Variants in ZNF181 observed in about 807,000 individuals in gnomAD.
The protein encoded by ZNF181 is zinc finger protein 181 (HHZ181).
A neutral mutation model predicts 11.9 loss-of-function variants in ZNF181; 8 were observed. The observed-to-expected ratio is 0.67, with a 90% CI of 0.39 to 1.21. The LOEUF (loss-of-function observed/expected upper bound fraction) is 1.21, where lower values mean the gene tolerates loss of function less well. Among genes scored for constraint, ZNF181 ranks in the 50% most tolerant of loss-of-function variants. The pLI is 0.01. For synonymous variants in ZNF181, 202 were observed against 221.1 expected (o/e 0.91, Z 0.77); for missense variants, 542 against 670.9 (o/e 0.81, Z 2.12).
At chr19:34,735,951 G>A (rs1234019944) in intron 1 of ZNF181, 3 of 499,702 alleles carry the variant, frequency 6.0e-6, no homozygotes, top group Middle Eastern at 5.1e-4. Flanking sequence ...CTCCATCACT[G>A]CTTTGTTGTT....
Position 34,734,634 on chromosome 19 carries a change from G to T in ZNF181, c.-404G>T, listed in dbSNP as rs540165554. ...CAGTTGTGTAACCTTGAACAAATGG[G>T]TTCAGTATCTTGGAATTTCAGTTTT... On this transcript the variant is annotated 5_prime_UTR_variant, in exon 1 of 4. Transcript: ENST00000492450. The T allele has an allele frequency of 4.0e-4, 81 of 200,974 alleles. No individual in the cohort carries two copies. The highest frequency in any genetic ancestry group is 7.1e-4 in the Non-Finnish European group (70 of 98,252). The allele number at this position is 200,974 out of a possible 1,614,324, so 12.4% of individuals were successfully genotyped here.
chr19:34,740,567 T>A (rs1490530853), intron 3 of ZNF181, 44 bp from the exon 4 acceptor site: 3 of 1,415,766 alleles, frequency 2.1e-6, no homozygotes, highest in African/African-American at 1.4e-5. Flanking sequence ...TTCAAATAGT[T>A]AAAAAAAAAC....
chr19:34,734,984 CTAAGA>C lies in ZNF181; in HGVS notation c.-48_-44del, dbSNP rs2145411084. 6 of 1,563,792 alleles carry C rather than the reference CTAAGA, an allele frequency of 3.8e-6. No homozygotes were observed. Among genetic ancestry groups the C allele is most frequent in the Non-Finnish European group, 5.2e-6 (6 of 1,153,252 alleles). ...TGTGCCCTCAGGACACTGCCCATCT[CTAAGA>C]TAAGAGCCTGGAAAGAGGACTCTGT... On this transcript the variant is annotated 5_prime_UTR_variant, in exon 1 of 4. An upstream open reading frame in the 5' UTR loses its in-frame stop. Coordinates refer to ENST00000492450, the MANE Select transcript of ZNF181 (RefSeq NM_001029997.4).
At chr19:34,735,408 T>C (rs1255193980) in intron 1 of ZNF181, among the ~76,000 whole-genome samples, 1 of 152,228 alleles carries the variant, frequency 6.6e-6, no homozygotes, top group Non-Finnish European at 1.5e-5. Flanking sequence ...CTTTGACTTA[T>C]ACCTATATTC....
Position 34,739,264 on chromosome 19 carries a change from T to C in ZNF181, c.126T>C (p.Ser42=), listed in dbSNP as rs1459184981. ...VMVQNYENLV[S]VAGLSVTKPY... ...TCCAGAATTATGAGAACCTGGTCTC[T>C]GTAGGTAAGGATATTACCCCTTCCA... is the stretch of plus-strand genomic sequence containing the variant. Residue 42 remains serine (S), a synonymous_variant, in exon 2 of 4, where the codon TCT becomes TCC. Coordinates refer to ENST00000492450, the MANE Select transcript of ZNF181 (RefSeq NM_001029997.4). 6.2e-7 allele frequency: 1 copy of C among 1,613,682 alleles called. No individual in the cohort carries two copies. Among genetic ancestry groups the C allele is most frequent in the Non-Finnish European group, 8.5e-7 (1 of 1,179,714 alleles).
In ZNF181 at chr19:34,740,785, T is replaced by C. The variant is rs1337034446; in HGVS notation, c.404T>C (p.Val135Ala). The C allele has an allele frequency of 1.9e-6, 3 of 1,613,900 alleles. No individual in the cohort carries two copies. Among genetic ancestry groups the C allele is most frequent in the Admixed American group, 3.3e-5 (2 of 59,956 alleles). Reference sequence around the variant, plus strand: ...TTGGAAGGGAAGCATGGAAGTCAGGTAGACCATTTCAGACCAGCAATTCTC... The same window carrying C: ...TTGGAAGGGAAGCATGGAAGTCAGGCAGACCATTTCAGACCAGCAATTCTC... ...EKLEGKHGSQ[V>A]DHFRPAILTS... is the part of the protein sequence containing the mutation. Residue 135 changes from valine to alanine, a missense_variant, in exon 4 of 4, where the codon GTA (valine) becomes GCA (alanine). Val to Ala is a moderately conservative substitution (Grantham distance 64). Coordinates refer to ENST00000492450, the MANE Select transcript of ZNF181 (RefSeq NM_001029997.4).
In ZNF181 at chr19:34,742,163, G is replaced by C; in HGVS notation, c.*66G>C. On this transcript the variant is annotated 3_prime_UTR_variant, in exon 4 of 4. Transcript: ENST00000492450. ...TTTAACATTAGAAAAATTTATACTG[G>C]GGAAAGTCTTATGAATGTGGTGAAT... is the stretch of plus-strand genomic sequence containing the variant. 2 of 1,465,798 alleles carry C rather than the reference G, an allele frequency of 1.4e-6. No homozygotes were observed. The highest frequency in any genetic ancestry group is 1.4e-5 in the African/African-American group (1 of 70,802). 90.8% of individuals were successfully genotyped at this position (1,465,798 alleles called of 1,614,324 possible).
chr19:34,734,984 C>T lies in ZNF181; in HGVS notation c.-54C>T. On this transcript the variant is annotated 5_prime_UTR_variant, in exon 1 of 4. Transcript: ENST00000492450. ...TGTGCCCTCAGGACACTGCCCATCT[C>T]TAAGATAAGAGCCTGGAAAGAGGAC... is the stretch of plus-strand genomic sequence containing the variant. The T allele has an allele frequency of 6.4e-7, 1 of 1,563,792 alleles. No homozygotes were observed. Among genetic ancestry groups the T allele is most frequent in the Non-Finnish European group, 8.7e-7 (1 of 1,153,252 alleles).
In ZNF181 at chr19:34,741,335, G is replaced by C. The variant is rs2068971119; in HGVS notation, c.954G>C (p.Glu318Asp). 2.5e-6 allele frequency: 4 copies of C among 1,613,874 alleles called. No individual in the cohort carries two copies. Among genetic ancestry groups the C allele is most frequent in the Non-Finnish European group, 3.4e-6 (4 of 1,179,814 alleles). ...LTNHQSTHTG[E>D]KPYECMNCGK... ...ACCATCAGAGCACTCACACTGGAGA[G>C]AAACCATATGAATGTATGAACTGTG... is the stretch of plus-strand genomic sequence containing the variant. Residue 318 changes from glutamate (E) to aspartate (D), a missense_variant, in exon 4 of 4, where the codon GAG becomes GAC. Glu to Asp is a conservative substitution (Grantham distance 45, BLOSUM62 2). Coordinates refer to ENST00000492450, the MANE Select transcript of ZNF181 (RefSeq NM_001029997.4).
At chr19:34,738,604 C>T (rs1392879060) in intron 1 of ZNF181, among the ~76,000 whole-genome samples, 5 of 149,624 alleles carry the variant, frequency 3.3e-5, no homozygotes, top group East Asian at 3.9e-4. Flanking sequence ...AGTGCAGTGG[C>T]GCAACCTCCG....
Position 34,741,605 on chromosome 19 carries a change from C to A in ZNF181, c.1224C>A (p.Asn408Lys). 6.2e-7 allele frequency: 1 copy of A among 1,613,924 alleles called. No individual in the cohort carries two copies. Among genetic ancestry groups the A allele is most frequent in the Non-Finnish European group, 8.5e-7 (1 of 1,179,924 alleles). The change falls in exon 4 of 4, where the codon AAC (asparagine) becomes AAA (lysine). Residue 408 changes from asparagine (N) to lysine (K), a missense_variant. By Grantham distance (94) the Asn-to-Lys change is moderately conservative (BLOSUM62 0). Coordinates refer to ENST00000492450, the MANE Select transcript of ZNF181 (RefSeq NM_001029997.4). ...IHTMEKQYEC[N>K]KCLKVFSSLS... Reference sequence around the variant, plus strand: ...CTATGGAGAAACAATATGAATGCAACAAATGTCTGAAAGTCTTTAGTAGCC... The same window carrying A: ...CTATGGAGAAACAATATGAATGCAAAAAATGTCTGAAAGTCTTTAGTAGCC...
intron 1 of ZNF181, among the ~76,000 whole-genome samples, chr19:34,735,472 T>G (rs548226253): frequency 6.6e-6 from 1 of 150,744 alleles, no homozygotes; most frequent in South Asian, 2.1e-4. Context: ...TGACCATTAG[T>G]TACCCCAGCA....
chr19:34,743,746 A>T lies in ZNF181; in HGVS notation c.*1649A>T, dbSNP rs1264587480. The T allele has an allele frequency of 6.6e-6, 1 of 152,214 alleles. No homozygotes were observed. Among genetic ancestry groups the T allele is most frequent in the Non-Finnish European group, 1.5e-5 (1 of 68,040 alleles). The allele number at this position is 152,214 out of a possible 1,614,324, so 9.4% of individuals were successfully genotyped here. ...AAATCACTAGCCCAGAAGTGTTCTC[A>T]TTACTTTTACAGCCCACCTACCAAT... On this transcript the variant is annotated 3_prime_UTR_variant, in exon 4 of 4. Coordinates refer to ENST00000492450, the MANE Select transcript of ZNF181 (RefSeq NM_001029997.4).
Position 34,735,048 on chromosome 19 carries a change from T to C in ZNF181, c.9+2T>C, listed in dbSNP as rs1453946600. On this transcript the variant is annotated splice_donor_variant, in intron 1 of 3. Transcript: ENST00000492450. LOFTEE classifies it high-confidence loss of function. ...GGAAATTGCAGAGTAATGCCTCAGG[T>C]AGGTCGGTGTGTCCGCAAATCTTCC... 1 of 1,574,282 alleles carries C rather than the reference T, an allele frequency of 6.4e-7. No individual in the cohort carries two copies. The highest frequency in any genetic ancestry group is 1.9e-5 in the Admixed American group (1 of 53,912).
At chr19:34,736,076 T>G in intron 1 of ZNF181, 1 of 702,082 alleles carries the variant, frequency 1.4e-6, no homozygotes. Flanking sequence ...CTGTTATAGC[T>G]TCAGTACCCA....
chr19:34,734,918 A>C lies in ZNF181; in HGVS notation c.-120A>C. On this transcript the variant is annotated 5_prime_UTR_variant, in exon 1 of 4. Transcript: ENST00000492450. Reference sequence around the variant, plus strand: ...ATTATGGTGTGTCACAGGTGCCGCAAGATAAGCCTGATTTTTCATGACTGC... The same window carrying C: ...ATTATGGTGTGTCACAGGTGCCGCACGATAAGCCTGATTTTTCATGACTGC... The C allele has an allele frequency of 1.9e-6, 2 of 1,061,152 alleles. No individual in the cohort carries two copies. Among genetic ancestry groups the C allele is most frequent in the East Asian group, 5.2e-5 (2 of 38,340 alleles). The allele number at this position is 1,061,152 out of a possible 1,614,324, so 65.7% of individuals were successfully genotyped here.
chr19:34,739,518 G>C lies in ZNF181; in HGVS notation c.131-5G>C, dbSNP rs1225828652. 1 of 1,613,878 alleles carries C rather than the reference G, an allele frequency of 6.2e-7. No individual in the cohort carries two copies. Among genetic ancestry groups the C allele is most frequent in the East Asian group, 2.2e-5 (1 of 44,866 alleles). Reference sequence around the variant, plus strand: ...GCTTAAACAATTCTGTATTCTTCCTGTAAGCAGGTCTTTCTGTAACTAAGC... The same window carrying C: ...GCTTAAACAATTCTGTATTCTTCCTCTAAGCAGGTCTTTCTGTAACTAAGC... On this transcript the variant is annotated splice_region_variant and splice_polypyrimidine_tract_variant and intron_variant, in intron 2 of 3. Transcript: ENST00000492450.
rs768611730 is a variant in ZNF181 at position 34,741,215 on chromosome 19, A to G, written c.834A>G (p.Ser278=). Reference sequence around the variant, plus strand: ...GTGGGAAGACTTTTAGCCATGGCTCATCCCTTACACGACATCTGATAAGCC... The same window carrying G: ...GTGGGAAGACTTTTAGCCATGGCTCGTCCCTTACACGACATCTGATAAGCC... The part of the protein sequence containing the change: ...RECGKTFSHG[S]SLTRHLISHS... The change falls in exon 4 of 4, where the codon TCA becomes TCG. Residue 278 remains serine (S), a synonymous_variant. Coordinates refer to ENST00000492450, the MANE Select transcript of ZNF181 (RefSeq NM_001029997.4). 1.9e-6 allele frequency: 3 copies of G among 1,614,064 alleles called. No homozygotes were observed. The highest frequency in any genetic ancestry group is 2.5e-6 in the Non-Finnish European group (3 of 1,179,944).
intron 1 of ZNF181, among the ~76,000 whole-genome samples, chr19:34,736,602 C>T (rs1365624736): frequency 6.6e-6 from 1 of 152,174 alleles, no homozygotes; most frequent in African/African-American, 2.4e-5. Flanking sequence ...TGCATGTGTA[C>T]TGGTCAGTAC....
Sources: gnomAD v4.1 joint callset for allele counts (sites outside exome capture counted in the v4.1 genomes callset) on GRCh38, gnomAD v4.1.1 for gene constraint, MANE v1.5 for transcripts, NCBI Gene and HGNC (gene_info 2026-07-23, HGNC 2026-07-21) for gene names.